The following TRPM1 variants were observed in gnomAD, a reference collection of about 807,000 sequenced individuals.
TRPM1 encodes transient receptor potential cation channel subfamily M member 1, also known as TRPM1-203 APA Isoform, Intron 10.
In TRPM1, 113 loss-of-function variants were observed where a neutral mutation model predicts 149.4. The observed-to-expected ratio is 0.76, with a 90% CI of 0.65 to 0.88. The LOEUF is 0.88. Ranked by LOEUF, TRPM1 falls within the 40% of genes least tolerant of loss-of-function variation. The pLI, the probability that TRPM1 is intolerant of heterozygous loss-of-function variation, is 0.00. For synonymous variants in TRPM1, 741 were observed against 759.5 expected (o/e 0.98, Z 0.40); for missense variants, 1,976 against 2,038.7 (o/e 0.97, Z 0.59).
intron 1 of TRPM1, among the ~76,000 whole-genome samples, chr15:31,152,880 T>A (rs906200306): frequency 3.3e-5 from 5 of 152,174 alleles, no homozygotes; most frequent in Non-Finnish European, 5.9e-5. Context: ...TAGGCTCAAG[T>A]GATCCTCTTG....
chr15:31,043,908 A>T (rs1162013849), intron 16 of TRPM1, among the ~76,000 whole-genome samples: 1 of 152,202 alleles, frequency 6.6e-6, no homozygotes, highest in African/African-American at 2.4e-5. Context: ...CAATGAGGAA[A>T]AGGGAAAAAA....
intron 20 of TRPM1, 92 bp downstream of exon 20, chr15:31,037,619 T>A: frequency 1.3e-6 from 2 of 1,551,436 alleles, no homozygotes; most frequent in Non-Finnish European, 1.8e-6. Context: ...AATTTTTAGA[T>A]ACTTTTTTAA....
In TRPM1 at chr15:31,002,561, A is replaced by G. The variant is rs1186406204; in HGVS notation, c.4139T>C (p.Ile1380Thr). 6.2e-7 allele frequency: 1 copy of G among 1,614,076 alleles called. No homozygotes were observed. The highest frequency in any genetic ancestry group is 8.5e-7 in the Non-Finnish European group (1 of 1,180,024). Residue 1380 changes from isoleucine to threonine, a missense_variant, in exon 28 of 28, where the codon ATT becomes ACT. This residue lies in a region of TRPM1 where 572 missense variants were observed against 578.9 expected (regional missense o/e 0.99). Coordinates refer to ENST00000256552, the MANE Select transcript of TRPM1 (RefSeq NM_001252024.2). The stretch of plus-strand genomic sequence containing the variant: ...TTCATCATCTTCCTTTGAAATCCCA[A>G]TATCTGGACCTAATTTTGACTCTTC... ...NAEESKLGPD[I>T]GISKEDDERQ...
chr15:31,020,840 G>T (rs946363264), intron 27 of TRPM1, among the ~76,000 whole-genome samples: 1 of 152,168 alleles, frequency 6.6e-6, no homozygotes, highest in Non-Finnish European at 1.5e-5. Flanking sequence ...GGCTTAGCGC[G>T]CAGGCTAAAC....
At chr15:31,089,235 G>A (rs372701499) in intron 1 of TRPM1, among the ~76,000 whole-genome samples, 2 of 152,296 alleles carry the variant, frequency 1.3e-5, no homozygotes, top group South Asian at 2.1e-4. Flanking sequence ...TGTGGCCAGC[G>A]TGTCCCCCAC....
chr15:31,105,464 T>C (rs371673240), upstream of TRPM1, among the ~76,000 whole-genome samples: 244 of 73,828 alleles, frequency 3.3e-3, no homozygotes, highest in African/African-American at 7.4e-3. Flanking sequence ...TGTGTGTGTG[T>C]GTGTGTGTGC....
At chr15:31,119,243 AAAAT>A (rs71110839) in intron 1 of TRPM1, among the ~76,000 whole-genome samples, 31,120 of 148,124 alleles carry the variant, frequency 0.21, 3,823 homozygotes, top group African/African-American at 0.32. Context: ...CTCCATCTCA[AAAAT>A]AAATAAATAA....
At chr15:31,121,605 CT>C (rs2035881729) in intron 1 of TRPM1, among the ~76,000 whole-genome samples, 4 of 152,170 alleles carry the variant, frequency 2.6e-5, no homozygotes, top group Admixed American at 2.6e-4. Flanking sequence ...AACACACAAT[CT>C]TTCAAAACTC....
At chr15:31,130,663 C>T (rs937526206) in intron 1 of TRPM1, among the ~76,000 whole-genome samples, 1 of 152,164 alleles carries the variant, frequency 6.6e-6, no homozygotes, top group African/African-American at 2.4e-5. Context: ...GATGCACCAG[C>T]TGATGCCACC....
chr15:31,046,119 C>G, intron 16 of TRPM1, 85 bp downstream of exon 16: 1 of 1,362,034 alleles, frequency 7.3e-7, no homozygotes, highest in Non-Finnish European at 1.0e-6. Context: ...TGAGTAGTAT[C>G]GTATATTCGC....
chr15:31,052,097 A>G (rs991357005), intron 11 of TRPM1, among the ~76,000 whole-genome samples: 4 of 152,020 alleles, frequency 2.6e-5, no homozygotes, highest in Non-Finnish European at 5.9e-5. Context: ...TATTAATAGG[A>G]CTCTGCACAC....
chr15:31,159,402 G>A lies in TRPM1; in HGVS notation c.54+1504C>T, dbSNP rs558864954. ...CAGTGTGGGCCAGCTTTGTGCTGGG[G>A]AGGAGGAGGTCACGTGGAGCCACCT... On this transcript the variant is annotated intron_variant, in intron 1 of 26. Coordinates refer to the TRPM1 transcript ENST00000542188. Among the ~76,000 whole-genome samples the A allele has an allele frequency of 4.6e-5, 7 of 152,354 alleles. No homozygotes were observed. The East Asian group carries it at 1.2e-3, about 25-fold the overall frequency.
chr15:31,085,389 G>A (rs535539363), intron 1 of TRPM1, among the ~76,000 whole-genome samples: 1 of 152,308 alleles, frequency 6.6e-6, no homozygotes, highest in East Asian at 1.9e-4. Flanking sequence ...GAATCATAGG[G>A]TATGTCTCTA....
intron 11 of TRPM1, 61 bp downstream of exon 11, chr15:31,060,483 C>A (rs1011379087): frequency 3.6e-6 from 5 of 1,388,696 alleles, no homozygotes; most frequent in African/African-American, 2.8e-5. Context: ...GGAGAACATA[C>A]TAATAGGTCA....
chr15:31,034,347 G>A (rs921214819), intron 21 of TRPM1, among the ~76,000 whole-genome samples: 3 of 152,202 alleles, frequency 2.0e-5, no homozygotes, highest in East Asian at 1.9e-4. Flanking sequence ...TGCAGCAAAC[G>A]CTCTAGGCCC....
Position 31,026,328 on chromosome 15 carries a change from C to T in TRPM1, c.3497-57G>A. ...AAAACAAGAAGAATCAGTTTCGTGG[C>T]GTCAATGAGAATTTCACAGCCCCAC... is the stretch of plus-strand genomic sequence containing the variant. On this transcript the variant is annotated intron_variant, in intron 26 of 27. Coordinates refer to ENST00000256552, the MANE Select transcript of TRPM1 (RefSeq NM_001252024.2). 13 of 1,595,434 alleles carry T rather than the reference C, an allele frequency of 8.1e-6. 1 individual carries two copies. The East Asian group carries it at 2.7e-4, about 33-fold the overall frequency.
At chr15:31,037,057 AG>A (rs2033419185) in intron 20 of TRPM1, among the ~76,000 whole-genome samples, 2 of 152,214 alleles carry the variant, frequency 1.3e-5, no homozygotes, top group Admixed American at 1.3e-4. Flanking sequence ...CACAAGCCAC[AG>A]TGTGCCTGGC....
chr15:31,069,293 G>A (rs1275848763), intron 4 of TRPM1: 1 of 462,914 alleles, frequency 2.2e-6, no homozygotes, highest in Non-Finnish European at 2.8e-6. Flanking sequence ...GTGAGGAGGA[G>A]GCTAATAATG....
At chr15:31,012,760 AT>A (rs1364991243) in intron 27 of TRPM1, among the ~76,000 whole-genome samples, 1 of 151,668 alleles carries the variant, frequency 6.6e-6, no homozygotes, top group Non-Finnish European at 1.5e-5. Flanking sequence ...GTTCTGCTGG[AT>A]GGTGTTCTAC....
Sources: gnomAD v4.1 joint callset for allele counts (sites outside exome capture counted in the v4.1 genomes callset) on GRCh38, gnomAD v4.1.1 for gene constraint, gnomAD v4.1.1 regional missense constraint, MANE v1.5 for transcripts, NCBI Gene and HGNC (gene_info 2026-07-23, HGNC 2026-07-21) for gene names.